Variants in ABI3BP observed in about 807,000 individuals in gnomAD.
ABI3BP encodes the protein ABI family member 3 binding protein.
Under a neutral mutation model 268.6 loss-of-function variants are expected in ABI3BP, and 216 were observed. The observed-to-expected ratio is 0.80, with a 90% CI of 0.72 to 0.90. The LOEUF (loss-of-function observed/expected upper bound fraction) is 0.90. Among genes scored for constraint, ABI3BP ranks in the 40% least tolerant of loss-of-function variants. The pLI, the probability that ABI3BP is intolerant of heterozygous loss-of-function variation, is 0.00. For missense variants in ABI3BP, 2,090 were observed against 2,182.4 expected, an observed-to-expected ratio of 0.96 and a Z score of 0.84; for synonymous variants, 730 against 730.0, an observed-to-expected ratio of 1.00 and a Z score of 0.00.
intron 6 of ABI3BP, among the ~76,000 whole-genome samples, chr3:100,885,290 C>T (rs2041451358): frequency 6.6e-6 from 1 of 151,928 alleles, no homozygotes; most frequent in Admixed American, 6.6e-5. Flanking sequence ...ACCCAGAATA[C>T]TAAAATATTA....
chr3:100,819,458 A>G (rs1047146605), intron 40 of ABI3BP, among the ~76,000 whole-genome samples: 1 of 152,142 alleles, frequency 6.6e-6, no homozygotes, highest in Non-Finnish European at 1.5e-5. Flanking sequence ...TGAATGTTTC[A>G]TACTGGGACA....
At chr3:100,786,532 T>G (rs1329004423) in intron 57 of ABI3BP, among the ~76,000 whole-genome samples, 1 of 152,202 alleles carries the variant, frequency 6.6e-6, no homozygotes, top group Admixed American at 6.5e-5. Context: ...CTTTCAAGTG[T>G]GATCACAGCT....
At chr3:100,916,527 G>A (rs1405385912) in intron 2 of ABI3BP, among the ~76,000 whole-genome samples, 2 of 152,158 alleles carry the variant, frequency 1.3e-5, no homozygotes, top group East Asian at 3.8e-4. Flanking sequence ...ACCTCTTGGG[G>A]ACTCACTGTC....
Position 100,779,047 on chromosome 3 carries a change from C to T in ABI3BP, c.4241-671G>A, listed in dbSNP as rs150342598. ...ATCCCCAGCTGCCTTTTATTTTGAGCCTACAATTTCTTATACCATTTTAGT... is the reference window on the plus strand; with the variant it reads ...ATCCCCAGCTGCCTTTTATTTTGAGTCTACAATTTCTTATACCATTTTAGT... On this transcript the variant is annotated intron_variant, in intron 58 of 67. Transcript: ENST00000471714. 3.6e-3 allele frequency among the ~76,000 whole-genome samples: 543 copies of T among 152,294 alleles called. 5 individuals are homozygous for T. The highest frequency in any genetic ancestry group is 5.3e-3 in the Non-Finnish European group (360 of 68,012).
intron 43 of ABI3BP, 38 bp downstream of exon 43, chr3:100,816,650 G>C: frequency 6.7e-7 from 1 of 1,488,348 alleles, no homozygotes; most frequent in South Asian, 1.2e-5. Flanking sequence ...CAGGGTTCAG[G>C]TTCCTTGGCT....
In ABI3BP at chr3:100,749,728, AAAC is replaced by A; in HGVS notation, c.*764_*766del. 2.5e-6 allele frequency: 1 copy of A among 398,518 alleles called. No homozygotes were observed. Among genetic ancestry groups the A allele is most frequent in the Non-Finnish European group, 4.4e-6 (1 of 225,776 alleles). The allele number at this position is 398,518 out of a possible 1,614,324, so 24.7% of individuals were successfully genotyped here. ...ACATACAGCTTGATTAGAATCATAAAAACAATATGAAGACGATTGCATAAAGGG... is the reference window on the plus strand; with the variant it reads ...ACATACAGCTTGATTAGAATCATAAAAATATGAAGACGATTGCATAAAGGG... On this transcript the variant is annotated 3_prime_UTR_variant, in exon 68 of 68. Transcript: ENST00000471714.
intron 1 of ABI3BP, among the ~76,000 whole-genome samples, chr3:100,991,469 A>G (rs2092905123): frequency 2.0e-5 from 3 of 152,130 alleles, no homozygotes; most frequent in African/African-American, 7.2e-5. Context: ...GCTAACACTT[A>G]TTGTGATTCC....
chr3:100,944,006 A>C (rs192667290), intron 1 of ABI3BP, among the ~76,000 whole-genome samples: 2 of 152,122 alleles, frequency 1.3e-5, no homozygotes, highest in Non-Finnish European at 2.9e-5. Flanking sequence ...CTAACTTCTT[A>C]GTAGTAAGCG....
chr3:100,810,380 C>A, intron 49 of ABI3BP, 32 bp downstream of exon 49: 1 of 1,502,868 alleles, frequency 6.7e-7, no homozygotes, highest in Non-Finnish European at 8.9e-7. Context: ...AAACACTCAC[C>A]TCATATATGA....
chr3:100,762,701 T>G (rs1420716596), intron 63 of ABI3BP, among the ~76,000 whole-genome samples: 1 of 152,218 alleles, frequency 6.6e-6, no homozygotes, highest in African/African-American at 2.4e-5. Flanking sequence ...AGCCCAAACA[T>G]TTTTGCTCAT....
rs1208009023 is a variant in ABI3BP, at chr3:100,812,498, T to C, written c.3390A>G (p.Thr1130=). The stretch of plus-strand genomic sequence containing the variant: ...TCTCCTTTGGTGACTCAGTACTAAG[T>C]GTAACCGATTCCAGAACATCAGAAA... ...QPVSDVLESV[T]LSTESPKETI... is the part of the protein sequence containing the mutation. Residue 1130 remains threonine (T), a synonymous_variant, in exon 46 of 68, where the codon ACA becomes ACG. Coordinates refer to ENST00000471714, the MANE Select transcript of ABI3BP (RefSeq NM_001375547.2). 2.2e-6 allele frequency: 3 copies of C among 1,333,842 alleles called. No individual in the cohort carries two copies. Among genetic ancestry groups the C allele is most frequent in the South Asian group, 2.2e-5 (1 of 45,556 alleles). 82.6% of individuals were successfully genotyped at this position (1,333,842 alleles called of 1,614,324 possible). A position where few individuals can be genotyped will look rare whatever the true frequency, so the allele number is the denominator to read the frequency against.
At chr3:100,866,508 T>C (rs2099052235) in intron 10 of ABI3BP, among the ~76,000 whole-genome samples, 1 of 152,190 alleles carries the variant, frequency 6.6e-6, no homozygotes, top group African/African-American at 2.4e-5. Flanking sequence ...GAAGAATATA[T>C]GGCATTTTGC....
intron 20 of ABI3BP, among the ~76,000 whole-genome samples, chr3:100,844,999 G>A (rs1482279617): frequency 2.0e-5 from 3 of 152,060 alleles, no homozygotes; most frequent in Admixed American, 6.6e-5. Context: ...AATGAATAAC[G>A]CAACCTATCA....
intron 4 of ABI3BP, among the ~76,000 whole-genome samples, chr3:100,887,885 A>G (rs2042711075): frequency 6.6e-6 from 1 of 152,084 alleles, no homozygotes; most frequent in Non-Finnish European, 1.5e-5. Context: ...GGGGCTCAAT[A>G]AGAAATGAAC....
chr3:100,866,746 T>C, intron 10 of ABI3BP, 133 bp downstream of exon 10: 1 of 700,044 alleles, frequency 1.4e-6, no homozygotes, highest in Non-Finnish European at 2.3e-6. Flanking sequence ...AGACCTAGAA[T>C]CTCCTACTGT....
chr3:100,791,255 G>A lies in ABI3BP; in HGVS notation c.4024+1436C>T, dbSNP rs150516534. Among the ~76,000 whole-genome samples, 374 of 151,840 alleles carry A rather than the reference G, an allele frequency of 2.5e-3. 5 individuals carry two copies. The highest frequency in any genetic ancestry group is 8.4e-3 in the African/African-American group (350 of 41,466). On this transcript the variant is annotated intron_variant, in intron 55 of 67. Coordinates refer to ENST00000471714, the MANE Select transcript of ABI3BP (RefSeq NM_001375547.2). Reference sequence around the variant, plus strand: ...TTTGATTAAAATTCCATATATACTAGTAATGGTGACACAATATTCTCTTTA... The same window carrying A: ...TTTGATTAAAATTCCATATATACTAATAATGGTGACACAATATTCTCTTTA...
chr3:100,872,035 G>T (rs962121494), intron 9 of ABI3BP, among the ~76,000 whole-genome samples: 1 of 151,964 alleles, frequency 6.6e-6, no homozygotes, highest in African/African-American at 2.4e-5. Flanking sequence ...GTAAAGATGG[G>T]GTCTTGCTAT....
chr3:100,873,367 A>G (rs1478749362), intron 9 of ABI3BP, among the ~76,000 whole-genome samples: 1 of 152,184 alleles, frequency 6.6e-6, no homozygotes, highest in Non-Finnish European at 1.5e-5. Flanking sequence ...AGAAAAAGAC[A>G]TCAACATTTG....
chr3:100,969,408 C>T (rs1211118820), intron 1 of ABI3BP, among the ~76,000 whole-genome samples: 1 of 152,196 alleles, frequency 6.6e-6, no homozygotes, highest in African/African-American at 2.4e-5. Context: ...ATCAGGCATC[C>T]CCTGCTGCCT....
Sources: allele counts gnomAD v4.1 joint callset (sites outside exome capture counted in the v4.1 genomes callset), GRCh38; gene constraint gnomAD v4.1.1; transcripts MANE v1.5; gene names NCBI Gene and HGNC (gene_info 2026-07-23, HGNC 2026-07-21).